The following SLC43A2 variants were observed in gnomAD, a reference collection of about 807,000 sequenced individuals.
SLC43A2 encodes the protein solute carrier family 43 member 2.
In SLC43A2, 38 loss-of-function variants were observed where a neutral mutation model predicts 63.2. That is an observed-to-expected ratio of 0.60 (90% CI 0.46 to 0.79). The LOEUF (loss-of-function observed/expected upper bound fraction) is 0.79. Ranked by LOEUF, SLC43A2 falls within the 30% of genes least tolerant of loss-of-function variation. The probability of loss-of-function intolerance (pLI) is 0.00; values close to 1 mark genes in which losing one functional copy is unlikely to be tolerated. For missense variants in SLC43A2, 644 were observed against 756.2 expected (o/e 0.85, Z 1.74); for synonymous variants, 322 against 331.0 (o/e 0.97, Z 0.30).
At chr17:1,609,318 C>T (rs1412467556) in intron 5 of SLC43A2, among the ~76,000 whole-genome samples, 1 of 152,148 alleles carries the variant, frequency 6.6e-6, no homozygotes, top group African/African-American at 2.4e-5. Context: ...TCTCCTGCCT[C>T]AGCCTCCCAA....
intron 4 of SLC43A2, 74 bp from the exon 5 acceptor site, chr17:1,613,345 C>T: frequency 5.1e-6 from 7 of 1,379,022 alleles, no homozygotes; most frequent in Non-Finnish European, 7.2e-6. Context: ...GCCCAGAGTC[C>T]TGCGCGGTGC....
chr17:1,629,733 C>G (rs1334750265), upstream of SLC43A2, among the ~76,000 whole-genome samples: 1 of 152,234 alleles, frequency 6.6e-6, no homozygotes, highest in Admixed American at 6.5e-5. Context: ...GGAAGGTCCC[C>G]TCTGCAGGGC....
At chr17:1,622,724 G>A (rs1306100517) in intron 2 of SLC43A2, among the ~76,000 whole-genome samples, 2 of 152,058 alleles carry the variant, frequency 1.3e-5, no homozygotes, top group African/African-American at 4.8e-5. Flanking sequence ...GACCAGCCTG[G>A]CCAACATGGT....
chr17:1,588,290 G>A (rs1182830908), intron 9 of SLC43A2, among the ~76,000 whole-genome samples: 4 of 152,064 alleles, frequency 2.6e-5, no homozygotes, highest in Admixed American at 2.0e-4. Flanking sequence ...GGAGGCTGAG[G>A]CAGAACAATC....
intron 10 of SLC43A2, among the ~76,000 whole-genome samples, chr17:1,584,688 C>T (rs556248025): frequency 5.9e-5 from 9 of 151,950 alleles, no homozygotes; most frequent in South Asian, 2.1e-4. Flanking sequence ...GGCGTGGTGG[C>T]GGGCGCCTGT....
intron 3 of SLC43A2, among the ~76,000 whole-genome samples, chr17:1,616,127 C>CT (rs897705180): frequency 2.7e-4 from 41 of 149,536 alleles, no homozygotes; most frequent in African/African-American, 1.0e-3. Context: ...TGTTGAAAAT[C>CT]TTTTTTCTGG....
intron 5 of SLC43A2, among the ~76,000 whole-genome samples, chr17:1,607,797 C>A (rs1440253062): frequency 1.3e-5 from 2 of 152,010 alleles, no homozygotes; most frequent in African/African-American, 2.4e-5. Flanking sequence ...CTCACTGCAA[C>A]CTCTGCCTCC....
At position 1,583,404 on chromosome 17, in the gene SLC43A2, C is replaced by T; in HGVS notation, c.1218-68G>A. 19 of 1,597,160 alleles carry T rather than the reference C, an allele frequency of 1.2e-5. No individual in the cohort carries two copies. Among genetic ancestry groups the T allele is most frequent in the Non-Finnish European group, 1.6e-5 (19 of 1,169,112 alleles). ...AGGAAGCCGGGTGCTCCTGAGAAGT[C>T]AGGCCTCAAGCGTCGCAGCAGGTAA... On this transcript the variant is annotated intron_variant, in intron 10 of 13. Coordinates refer to ENST00000301335, the MANE Select transcript of SLC43A2 (RefSeq NM_152346.3). This position sits in a 1 kb window ranked among gnomAD's most constrained non-coding sequence, Gnocchi z 5.5.
At chr17:1,618,426 A>T (rs968067479) in intron 2 of SLC43A2, among the ~76,000 whole-genome samples, 1 of 152,352 alleles carries the variant, frequency 6.6e-6, no homozygotes, top group African/African-American at 2.4e-5. Flanking sequence ...ATGAATAGCT[A>T]CAAGTTGCTG....
At position 1,606,619 on chromosome 17, in the gene SLC43A2, G is replaced by T. The variant is rs1340852004; in HGVS notation, c.501+6576C>A. 6.6e-6 allele frequency among the ~76,000 whole-genome samples: 1 copy of T among 152,204 alleles called. No individual in the cohort carries two copies. Among genetic ancestry groups the T allele is most frequent in the Non-Finnish European group, 1.5e-5 (1 of 68,020 alleles). On this transcript the variant is annotated intron_variant, in intron 5 of 13. Transcript: ENST00000301335. This position sits in a 1 kb window ranked among gnomAD's most constrained non-coding sequence, Gnocchi z 4.7. ...TGGAGGGTGGCGACCCCAAGATGCG[G>T]CCTCAGCCGCCGGCCGTGTTTGTGC... is the stretch of plus-strand genomic sequence containing the variant.
Position 1,593,178 on chromosome 17 carries a change from C to A in SLC43A2, c.594+9G>T. The stretch of plus-strand genomic sequence containing the variant: ...TGCACAGACACCAGTGCAAAATACA[C>A]GTGCTCACCTTGATTCCTGGAAAGG... On this transcript the variant is annotated intron_variant, in intron 6 of 13. Transcript: ENST00000301335. The surrounding 1 kb of genome is among the most constrained non-coding windows in gnomAD (Gnocchi z 5.3). 3.1e-6 allele frequency: 5 copies of A among 1,612,114 alleles called. No individual in the cohort carries two copies. The highest frequency in any genetic ancestry group is 4.2e-6 in the Non-Finnish European group (5 of 1,178,830).
chr17:1,617,467 T>G (rs942592289), intron 2 of SLC43A2, among the ~76,000 whole-genome samples: 8 of 152,070 alleles, frequency 5.3e-5, no homozygotes, highest in African/African-American at 1.7e-4. Flanking sequence ...CTCGGCTCAC[T>G]GCAACCTCCG....
chr17:1,585,435 C>T lies in SLC43A2; in HGVS notation c.1217+478G>A, dbSNP rs373599769. The T allele has an allele frequency of 9.5e-5, 31 of 326,242 alleles. 1 individual carries two copies. Among genetic ancestry groups the T allele is most frequent in the Admixed American group, 4.0e-4 (9 of 22,432 alleles). The allele number at this position is 326,242 out of a possible 1,614,324, so 20.2% of individuals were successfully genotyped here. The stretch of plus-strand genomic sequence containing the variant: ...AATTTTTTGTATTTTTAGTAGAGAC[C>T]GGGTTTTACCACATTGGCCAGGCTG... On this transcript the variant is annotated intron_variant, in intron 10 of 13. Transcript: ENST00000301335.
At chr17:1,622,636 G>A (rs937033842) in intron 2 of SLC43A2, among the ~76,000 whole-genome samples, 1 of 151,864 alleles carries the variant, frequency 6.6e-6, no homozygotes, top group Admixed American at 6.6e-5. Context: ...CCCTTGAGCT[G>A]GGCGCAGTGG....
In SLC43A2 at chr17:1,578,502, A is replaced by G. The variant is rs111611767; in HGVS notation, c.1351-179T>C. The G allele has an allele frequency of 2.0e-5, 11 of 545,346 alleles. No individual in the cohort carries two copies. Among genetic ancestry groups the G allele is most frequent in the Non-Finnish European group, 3.6e-5 (11 of 305,932 alleles). The allele number at this position is 545,346 out of a possible 1,614,324, so 33.8% of individuals were successfully genotyped here. Reference sequence around the variant, plus strand: ...AATTTTGCAAGCCAGTCGTTAACACAGTCATTTTTTGTTTGTTTGTTTGTT... The same window carrying G: ...AATTTTGCAAGCCAGTCGTTAACACGGTCATTTTTTGTTTGTTTGTTTGTT... On this transcript the variant is annotated intron_variant, in intron 11 of 13. Coordinates refer to ENST00000301335, the MANE Select transcript of SLC43A2 (RefSeq NM_152346.3). The surrounding 1 kb of genome is among the most constrained non-coding windows in gnomAD (Gnocchi z 6.5).
chr17:1,602,116 G>A (rs994521127), intron 5 of SLC43A2, among the ~76,000 whole-genome samples: 3 of 152,182 alleles, frequency 2.0e-5, no homozygotes, highest in Non-Finnish European at 4.4e-5. Context: ...GGTGCGTGTG[G>A]GTCGACAAGG....
intron 5 of SLC43A2, among the ~76,000 whole-genome samples, chr17:1,609,798 G>A (rs1484812736): frequency 2.0e-5 from 3 of 150,176 alleles, no homozygotes; most frequent in African/African-American, 7.4e-5. Flanking sequence ...TAAGGGAAAA[G>A]GCAAGTTATC....
rs2075842789 is a variant in SLC43A2, at chr17:1,571,245, C to T, written c.*4359G>A. 6.6e-6 allele frequency: 1 copy of T among 152,318 alleles called. No individual in the cohort carries two copies. Among genetic ancestry groups the T allele is most frequent in the Admixed American group, 6.5e-5 (1 of 15,278 alleles). 9.4% of individuals were successfully genotyped at this position (152,318 alleles called of 1,614,324 possible). ...AGGCTCACAGAGCCCACCTGCTCAC[C>T]CTGACCACCCCACCCCAGGGGACCC... On this transcript the variant is annotated 3_prime_UTR_variant, in exon 14 of 14. Transcript: ENST00000301335. This position sits in a 1 kb window ranked among gnomAD's most constrained non-coding sequence, Gnocchi z 5.2.
intron 11 of SLC43A2, among the ~76,000 whole-genome samples, chr17:1,581,528 A>G (rs148474478): frequency 7.2e-5 from 11 of 152,290 alleles, no homozygotes; most frequent in African/African-American, 2.6e-4. Flanking sequence ...TGGGTGTTCA[A>G]CGTACCTCAA....
Sources: allele counts gnomAD v4.1 joint callset (sites outside exome capture counted in the v4.1 genomes callset), GRCh38; gene constraint gnomAD v4.1.1; non-coding constraint Gnocchi (gnomAD v3.1); transcripts MANE v1.5; gene names NCBI Gene and HGNC (gene_info 2026-07-23, HGNC 2026-07-21).